The following FMN1 variants were observed in gnomAD, a reference collection of about 807,000 sequenced individuals.
FMN1 encodes the protein formin 1.
FMN1 carries 110 observed loss-of-function variants against 132.4 expected under a neutral mutation model. That is an observed-to-expected ratio of 0.83 (90% confidence interval 0.71 to 0.97). The LOEUF (loss-of-function observed/expected upper bound fraction) is 0.97. Among genes scored for constraint, FMN1 ranks in the 50% least tolerant of loss-of-function variants. FMN1 has a pLI of 0.00. For missense variants in FMN1, 1,792 were observed against 1,705.3 expected, an observed-to-expected ratio of 1.05 and a Z score of -0.90; for synonymous variants, 722 against 651.7, an observed-to-expected ratio of 1.11 and a Z score of -1.64.
At chr15:32,898,961 G>A (rs2141582136) in intron 14 of FMN1, 68 bp from the exon 15 acceptor site, 2 of 1,085,022 alleles carry the variant, frequency 1.8e-6, no homozygotes, top group Non-Finnish European at 2.8e-6. Context: ...CGGTTGAGAG[G>A]TGAAATCTCA....
intron 4 of FMN1, among the ~76,000 whole-genome samples, chr15:33,116,706 A>C (rs946773672): frequency 3.3e-5 from 5 of 152,132 alleles, no homozygotes; most frequent in Non-Finnish European, 7.4e-5. Context: ...TTCATATTGA[A>C]GCCCAAACAT....
At chr15:32,880,773 A>G (rs2059751573) in intron 16 of FMN1, among the ~76,000 whole-genome samples, 1 of 152,214 alleles carries the variant, frequency 6.6e-6, no homozygotes, top group Admixed American at 6.5e-5. Context: ...AATGCTACTG[A>G]AAAGTCTGAA....
At chr15:32,918,922 T>C (rs1413726740) in intron 10 of FMN1, among the ~76,000 whole-genome samples, 1 of 152,168 alleles carries the variant, frequency 6.6e-6, no homozygotes, top group Non-Finnish European at 1.5e-5. Flanking sequence ...TTAGGTGTTT[T>C]AGACACAGCA....
At chr15:33,096,584 T>G (rs1156408372) in intron 4 of FMN1, among the ~76,000 whole-genome samples, 1 of 152,024 alleles carries the variant, frequency 6.6e-6, no homozygotes, top group South Asian at 2.1e-4. Flanking sequence ...ATTTATCACT[T>G]TCTCTCCCAA....
intron 19 of FMN1, among the ~76,000 whole-genome samples, chr15:32,779,575 A>G (rs1269966733): frequency 2.6e-5 from 4 of 152,200 alleles, no homozygotes; most frequent in Non-Finnish European, 5.9e-5. Flanking sequence ...AGAATTATAA[A>G]CAGACACAGA....
chr15:32,972,637 T>C (rs2031882488), intron 7 of FMN1, among the ~76,000 whole-genome samples: 1 of 152,208 alleles, frequency 6.6e-6, no homozygotes, highest in Non-Finnish European at 1.5e-5. Flanking sequence ...CCCTAGTCAA[T>C]CTGTAGACTC....
At chr15:33,102,123 G>A (rs949121730) in intron 4 of FMN1, among the ~76,000 whole-genome samples, 1 of 151,948 alleles carries the variant, frequency 6.6e-6, no homozygotes, top group Non-Finnish European at 1.5e-5. Flanking sequence ...AGCATGTGAC[G>A]CTCCGTTATG....
intron 7 of FMN1, among the ~76,000 whole-genome samples, chr15:33,006,962 TA>T (rs1411320557): frequency 2.0e-5 from 3 of 152,096 alleles, no homozygotes; most frequent in African/African-American, 7.2e-5. Context: ...ATGTGAGAAA[TA>T]AATTCAAGAT....
chr15:32,935,506 C>T (rs2061243476), intron 9 of FMN1, among the ~76,000 whole-genome samples: 1 of 152,168 alleles, frequency 6.6e-6, no homozygotes, highest in African/African-American at 2.4e-5. Flanking sequence ...TTTCTTCCGC[C>T]AGATATCTGA....
At chr15:32,967,127 A>G (rs190335233) in intron 8 of FMN1, among the ~76,000 whole-genome samples, 14 of 152,356 alleles carry the variant, frequency 9.2e-5, no homozygotes, top group African/African-American at 2.9e-4. Context: ...ATTTATGATG[A>G]AACCAGTGAG....
At chr15:33,016,929 A>G (rs1228493793) in intron 6 of FMN1, among the ~76,000 whole-genome samples, 1 of 152,188 alleles carries the variant, frequency 6.6e-6, no homozygotes, top group African/African-American at 2.4e-5. Context: ...CTTGCAAGTC[A>G]TTTTTGGACC....
At chr15:32,956,430 A>G (rs896550846) in intron 9 of FMN1, among the ~76,000 whole-genome samples, 2 of 152,156 alleles carry the variant, frequency 1.3e-5, no homozygotes, top group Admixed American at 1.3e-4. Flanking sequence ...ATTTCCAAAT[A>G]AAATTTACAA....
chr15:33,114,999 A>G (rs2039859801), intron 4 of FMN1, among the ~76,000 whole-genome samples: 1 of 152,174 alleles, frequency 6.6e-6, no homozygotes, highest in African/African-American at 2.4e-5. Flanking sequence ...CCTTCATTCA[A>G]TATATGATCC....
intron 9 of FMN1, among the ~76,000 whole-genome samples, chr15:32,952,727 T>C (rs1455607472): frequency 1.3e-5 from 2 of 152,144 alleles, no homozygotes; most frequent in Non-Finnish European, 2.9e-5. Context: ...CTAAGATATT[T>C]TGGACATGCA....
At position 33,154,331 on chromosome 15, in the gene FMN1, T is replaced by C. The variant is rs1358114161; in HGVS notation, c.584A>G (p.Lys195Arg). 2 of 1,536,176 alleles carry C rather than the reference T, an allele frequency of 1.3e-6. No individual in the cohort carries two copies. Among genetic ancestry groups the C allele is most frequent in the Admixed American group, 2.0e-5 (1 of 51,010 alleles). Reference protein sequence around the residue: ...RESAPLMGKDKICSSHSLPLS... With the variant: ...RESAPLMGKDRICSSHSLPLS... ...AGGAAGGGAGTGGCTGGAACAGATC[T>C]TGTCCTTGCCCATCAGAGGAGCTGA... is the stretch of plus-strand genomic sequence containing the variant. Residue 195 changes from lysine to arginine, a missense_variant, in exon 4 of 21, where the codon AAG becomes AGG. Coordinates refer to ENST00000616417, the MANE Select transcript of FMN1 (RefSeq NM_001277313.2).
At chr15:33,025,755 C>T (rs780741241) in intron 6 of FMN1, among the ~76,000 whole-genome samples, 67 of 152,082 alleles carry the variant, frequency 4.4e-4, no homozygotes, top group Non-Finnish European at 8.4e-4. Flanking sequence ...CAGAATGACA[C>T]AGATAAGGCT....
chr15:32,911,991 G>A (rs1230231334), intron 10 of FMN1, among the ~76,000 whole-genome samples: 3 of 152,126 alleles, frequency 2.0e-5, no homozygotes, highest in African/African-American at 7.2e-5. Flanking sequence ...AAAATAGCCA[G>A]AAACAATGTC....
intron 6 of FMN1, among the ~76,000 whole-genome samples, chr15:33,015,583 C>T (rs1395838081): frequency 6.6e-6 from 1 of 152,152 alleles, no homozygotes; most frequent in Non-Finnish European, 1.5e-5. Flanking sequence ...TTTCTGAATT[C>T]TCCACTGAGT....
intron 12 of FMN1, among the ~76,000 whole-genome samples, chr15:32,907,339 T>C (rs935649002): frequency 1.3e-5 from 2 of 152,056 alleles, no homozygotes; most frequent in Admixed American, 6.5e-5. Context: ...AGATAATCAT[T>C]AGATTCTCAT....
Sources: gnomAD v4.1 joint callset for allele counts (sites outside exome capture counted in the v4.1 genomes callset) on GRCh38, gnomAD v4.1.1 for gene constraint, MANE v1.5 for transcripts, NCBI Gene and HGNC (gene_info 2026-07-23, HGNC 2026-07-21) for gene names.